The following MED15 variants were observed in gnomAD, a reference collection of about 807,000 sequenced individuals.
The protein encoded by MED15 is mediator of RNA polymerase II transcription subunit 15.
MED15 carries 41 observed loss-of-function variants against 118.7 expected under a neutral mutation model. The observed-to-expected ratio is 0.35, with a 90% CI of 0.27 to 0.45. The LOEUF (loss-of-function observed/expected upper bound fraction) is 0.45, where lower values mean the gene tolerates loss of function less well. Among genes scored for constraint, MED15 ranks in the 20% least tolerant of loss-of-function variants. The pLI is 1.00. For synonymous variants in MED15, 436 were observed against 413.9 expected (o/e 1.05, Z -0.65); for missense variants, 740 against 1,025.5 (o/e 0.72, Z 3.80).
At chr22:20,522,547 G>A (rs1295285572) in intron 1 of MED15, among the ~76,000 whole-genome samples, 3 of 152,170 alleles carry the variant, frequency 2.0e-5, no homozygotes, top group Admixed American at 6.6e-5. Context: ...GTGAATGCTC[G>A]TATTCCGTGT....
intron 5 of MED15, among the ~76,000 whole-genome samples, chr22:20,558,059 C>T (rs2146546655): frequency 6.6e-6 from 1 of 152,204 alleles, no homozygotes; most frequent in East Asian, 1.9e-4. Flanking sequence ...GGGGCGAGAT[C>T]GTGCCACTGC....
At chr22:20,551,613 G>C in intron 3 of MED15, 126 bp downstream of exon 3, 1 of 892,378 alleles carries the variant, frequency 1.1e-6, no homozygotes, top group Non-Finnish European at 1.9e-6. Context: ...CACCTCACTT[G>C]CTTCTGGGAA....
Position 20,568,533 on chromosome 22 carries a change from A to T in MED15, c.1054A>T (p.Met352Leu). 1.2e-6 allele frequency: 2 copies of T among 1,613,672 alleles called. No homozygotes were observed. Among genetic ancestry groups the T allele is most frequent in the East Asian group, 4.5e-5 (2 of 44,878 alleles). The change falls in exon 8 of 18, where the codon ATG (methionine) becomes TTG (leucine). Residue 352 changes from methionine (M) to leucine (L), a missense_variant. Transcript: ENST00000263205. ...TTTCTCCCTCAAGGTCCGAGCTCCG[A>T]TGGTGGTGCAGCAGCCCCCAGTGCA... ...QPPLKFVRAP[M>L]VVQQPPVQPQ...
At chr22:20,569,695 A>G (rs1351027403) in intron 8 of MED15, among the ~76,000 whole-genome samples, 3 of 152,152 alleles carry the variant, frequency 2.0e-5, no homozygotes, top group Admixed American at 6.5e-5. Context: ...TTGGCAGGGC[A>G]CCAAATGACT....
rs2057018901 is a variant in MED15, at chr22:20,582,553, T to C, written c.1273-58T>C. On this transcript the variant is annotated intron_variant, in intron 9 of 17. Coordinates refer to ENST00000263205, the MANE Select transcript of MED15 (RefSeq NM_001003891.3). ...GCCTATGCGTGCGGTGGGCAGGTGG[T>C]GTGGAGGCAGGCGGGCGGGCGTGTG... 10 of 1,534,766 alleles carry C rather than the reference T, an allele frequency of 6.5e-6. No individual in the cohort carries two copies. In the South Asian group the frequency reaches 1.1e-4, roughly 16 times the overall value.
intron 1 of MED15, among the ~76,000 whole-genome samples, chr22:20,530,396 G>A (rs922432098): frequency 1.8e-4 from 27 of 152,164 alleles, no homozygotes; most frequent in Non-Finnish European, 1.6e-4. Flanking sequence ...AACATAAATC[G>A]GCTGAGAGGA....
At chr22:20,566,270 C>T (rs912573624) in intron 6 of MED15, among the ~76,000 whole-genome samples, 197 bp from the exon 7 acceptor site, 3 of 151,978 alleles carry the variant, frequency 2.0e-5, no homozygotes, top group Non-Finnish European at 4.4e-5. Context: ...GAACTCCTGA[C>T]CTCAGGTGAT....
chr22:20,555,874 A>C (rs1601571023), intron 5 of MED15, among the ~76,000 whole-genome samples: 1 of 152,184 alleles, frequency 6.6e-6, no homozygotes, highest in African/African-American at 2.4e-5. Context: ...GGCTCACAGC[A>C]CCGCGCCCGG....
intron 1 of MED15, chr22:20,522,299 A>T (rs2054491689): frequency 1.3e-5 from 2 of 152,164 alleles, no homozygotes; most frequent in Non-Finnish European, 2.9e-5. Context: ...TTACGTTCCC[A>T]CCAGCAAAAT....
chr22:20,566,961 G>A (rs189608653), intron 7 of MED15, 144 bp downstream of exon 7: 320 of 1,432,474 alleles, frequency 2.2e-4, no homozygotes, highest in Admixed American at 1.2e-4. Flanking sequence ...CAGCCCTGCC[G>A]ACTCTAGCAT....
intron 17 of MED15, 24 bp downstream of exon 17, chr22:20,585,850 C>T (rs775705029): frequency 1.2e-6 from 2 of 1,608,964 alleles, no homozygotes; most frequent in Non-Finnish European, 1.7e-6. Flanking sequence ...GAGGAGCTGT[C>T]TGGGGACCCA....
chr22:20,547,681 G>A lies in MED15; in HGVS notation c.157-3755G>A, dbSNP rs185197452. Among the ~76,000 whole-genome samples, 98 of 152,230 alleles carry A rather than the reference G, an allele frequency of 6.4e-4. 4 individuals are homozygous for A. The highest frequency in any genetic ancestry group is 2.3e-3 in the African/African-American group (94 of 41,538). On this transcript the variant is annotated intron_variant, in intron 2 of 17. Coordinates refer to ENST00000263205, the MANE Select transcript of MED15 (RefSeq NM_001003891.3). ...AAAAAATACAAAAAATTAGCCAGACGTGGTGGCAGGCGCCTGTAGTGCCAG... is the reference window on the plus strand; with the variant it reads ...AAAAAATACAAAAAATTAGCCAGACATGGTGGCAGGCGCCTGTAGTGCCAG...
chr22:20,517,451 C>A (rs1377150535), intron 1 of MED15, among the ~76,000 whole-genome samples: 1 of 152,206 alleles, frequency 6.6e-6, no homozygotes, highest in Non-Finnish European at 1.5e-5. Flanking sequence ...AAGATCCTTC[C>A]TTTTCGTGGC....
At chr22:20,583,678 G>A in intron 13 of MED15, 1 of 449,854 alleles carries the variant, frequency 2.2e-6, no homozygotes, top group South Asian at 2.5e-5. Flanking sequence ...CCAGCTTGCA[G>A]TGGCCTGACC....
chr22:20,565,703 C>G (rs1010798491), intron 6 of MED15, among the ~76,000 whole-genome samples: 3 of 152,234 alleles, frequency 2.0e-5, no homozygotes, highest in Non-Finnish European at 2.9e-5. Context: ...ACAAGCAGAC[C>G]TTGACCGTCA....
At chr22:20,581,653 G>A (rs1234174349) in intron 9 of MED15, among the ~76,000 whole-genome samples, 3 of 152,132 alleles carry the variant, frequency 2.0e-5, no homozygotes, top group Non-Finnish European at 4.4e-5. Context: ...GAGGCCAGAC[G>A]CCCAGGGCTG....
intron 5 of MED15, 25 bp from the exon 6 acceptor site, chr22:20,564,425 A>T (rs1342895355): frequency 1.9e-6 from 3 of 1,613,008 alleles, no homozygotes; most frequent in Non-Finnish European, 2.5e-6. Context: ...CTGTGGACTG[A>T]CTGGCGACTC....
chr22:20,585,980 G>C (rs2057123982), intron 17 of MED15, among the ~76,000 whole-genome samples, 154 bp downstream of exon 17: 2 of 152,160 alleles, frequency 1.3e-5, no homozygotes, highest in African/African-American at 4.8e-5. Context: ...CTCCTGCACA[G>C]ACAGCAGCGG....
At chr22:20,543,250 C>A (rs1307100793) in intron 2 of MED15, among the ~76,000 whole-genome samples, 2 of 133,068 alleles carry the variant, frequency 1.5e-5, no homozygotes, top group African/African-American at 2.9e-5. Context: ...CTCACTCTCT[C>A]GCCCAGGCTG....
Sources: gnomAD v4.1 joint callset for allele counts (sites outside exome capture counted in the v4.1 genomes callset) on GRCh38, gnomAD v4.1.1 for gene constraint, MANE v1.5 for transcripts, NCBI Gene and HGNC (gene_info 2026-07-23, HGNC 2026-07-21) for gene names.